Variants in VPS13B observed in about 807,000 individuals in gnomAD.
VPS13B encodes the protein vacuolar protein sorting 13 homolog B.
Under a neutral mutation model 426.4 loss-of-function variants are expected in VPS13B, and 285 were observed. That is an observed-to-expected ratio of 0.67 (90% confidence interval 0.61 to 0.74). The LOEUF (loss-of-function observed/expected upper bound fraction) is 0.74. VPS13B is among the 30% of genes least tolerant of loss of function. The probability of loss-of-function intolerance (pLI) is 0.00; values close to 1 mark genes in which losing one functional copy is unlikely to be tolerated. For synonymous variants in VPS13B, 1,676 were observed against 1,676.4 expected (o/e 1.00, Z 0.01); for missense variants, 4,537 against 4,782.6 (o/e 0.95, Z 1.51).
chr8:99,036,413 A>G (rs1456864033), intron 2 of VPS13B, among the ~76,000 whole-genome samples: 2 of 152,236 alleles, frequency 1.3e-5, no homozygotes. Flanking sequence ...AAGAAGGGAA[A>G]AGAATGAAAA....
chr8:99,550,424 G>A (rs555431419), intron 30 of VPS13B, among the ~76,000 whole-genome samples: 20 of 150,472 alleles, frequency 1.3e-4, no homozygotes, highest in Non-Finnish European at 2.7e-4. Context: ...ACAGTAAGCC[G>A]TAAAATCTTT....
At chr8:99,215,579 A>G (rs751009113) in intron 17 of VPS13B, among the ~76,000 whole-genome samples, 1 of 152,208 alleles carries the variant, frequency 6.6e-6, no homozygotes, top group Non-Finnish European at 1.5e-5. Context: ...AAACTCATGC[A>G]TGTGATTCCT....
chr8:99,537,517 ACAGTACCTTATCAGTGGAGCT>A (rs907929829), intron 30 of VPS13B, among the ~76,000 whole-genome samples: 1 of 152,226 alleles, frequency 6.6e-6, no homozygotes, highest in African/African-American at 2.4e-5. Flanking sequence ...TTATGCAGTT[ACAGTACCTTATCAGTGGAGCT>A]CGACTTCTAC....
chr8:99,116,853 T>C (rs183200719), intron 7 of VPS13B, among the ~76,000 whole-genome samples: 1 of 152,344 alleles, frequency 6.6e-6, no homozygotes, highest in Admixed American at 6.5e-5. Context: ...TTAGTGCTGT[T>C]AATTAATGAA....
intron 12 of VPS13B, among the ~76,000 whole-genome samples, chr8:99,140,721 G>A (rs1810373319): frequency 7.2e-6 from 1 of 139,422 alleles, no homozygotes. Flanking sequence ...TTCTTTGTGA[G>A]TATACTTTAG....
chr8:99,611,179 G>A (rs569510427), intron 33 of VPS13B, among the ~76,000 whole-genome samples: 15 of 152,256 alleles, frequency 9.9e-5, no homozygotes, highest in Non-Finnish European at 1.8e-4. Context: ...GCAAACATAT[G>A]TAAGAATTTT....
chr8:99,632,121 T>C (rs1187961489), intron 33 of VPS13B, among the ~76,000 whole-genome samples: 1 of 151,908 alleles, frequency 6.6e-6, no homozygotes, highest in African/African-American at 2.4e-5. Flanking sequence ...GCTAATTTGG[T>C]AATAGTGTTG....
At chr8:99,814,301 T>TA (rs1208605188) in intron 44 of VPS13B, among the ~76,000 whole-genome samples, 1 of 152,250 alleles carries the variant, frequency 6.6e-6, no homozygotes, top group African/African-American at 2.4e-5. Flanking sequence ...ATATGCTTGT[T>TA]AATCTTCATA....
chr8:99,065,137 C>T (rs139544490), intron 3 of VPS13B, among the ~76,000 whole-genome samples: 1 of 152,086 alleles, frequency 6.6e-6, no homozygotes, highest in African/African-American at 2.4e-5. Context: ...ACAACCGGTA[C>T]CAGCCACTGC....
intron 33 of VPS13B, among the ~76,000 whole-genome samples, chr8:99,612,950 T>C (rs1404838292): frequency 6.6e-6 from 1 of 152,208 alleles, no homozygotes; most frequent in Non-Finnish European, 1.5e-5. Context: ...GTGGCAGCTG[T>C]CATCTTATCT....
At chr8:99,340,075 T>C (rs952641183) in intron 19 of VPS13B, among the ~76,000 whole-genome samples, 3 of 152,284 alleles carry the variant, frequency 2.0e-5, no homozygotes, top group South Asian at 2.1e-4. Context: ...GCCTCCTTAG[T>C]AGCAAGTATC....
At chr8:99,811,341 T>C (rs1159576696) in intron 44 of VPS13B, among the ~76,000 whole-genome samples, 1 of 152,176 alleles carries the variant, frequency 6.6e-6, no homozygotes, top group Non-Finnish European at 1.5e-5. Flanking sequence ...CTCCTCTACA[T>C]TATAGCCCTT....
At chr8:99,847,868 G>A (rs1286235735) in intron 54 of VPS13B, among the ~76,000 whole-genome samples, 4 of 152,166 alleles carry the variant, frequency 2.6e-5, no homozygotes, top group Non-Finnish European at 5.9e-5. Flanking sequence ...CAAGCAAGAG[G>A]CCACCTTTGT....
chr8:99,286,829 T>G (rs1819467667), intron 19 of VPS13B, among the ~76,000 whole-genome samples: 1 of 152,116 alleles, frequency 6.6e-6, no homozygotes, highest in Non-Finnish European at 1.5e-5. Context: ...GAAGGTTTAG[T>G]GCATGGTGGG....
chr8:99,472,101 G>A (rs1819441493), intron 24 of VPS13B, among the ~76,000 whole-genome samples: 1 of 152,046 alleles, frequency 6.6e-6, no homozygotes, highest in South Asian at 2.1e-4. Context: ...AGAGTGACAT[G>A]AAACAAAAAT....
chr8:99,672,628 TTTTA>T (rs1251838847), intron 35 of VPS13B, among the ~76,000 whole-genome samples: 16 of 152,226 alleles, frequency 1.1e-4, no homozygotes, highest in South Asian at 6.2e-4. Context: ...TTTGGATTCC[TTTTA>T]TTTCTTTCTC....
At chr8:99,857,537 C>T (rs1816613935) in intron 56 of VPS13B, among the ~76,000 whole-genome samples, 2 of 152,166 alleles carry the variant, frequency 1.3e-5, no homozygotes, top group Non-Finnish European at 2.9e-5. Flanking sequence ...GCAGCCTGAG[C>T]TCACAGAAGA....
intron 3 of VPS13B, 80 bp downstream of exon 3, chr8:99,038,646 C>A (rs1842843798): frequency 2.9e-6 from 3 of 1,048,806 alleles, no homozygotes; most frequent in Non-Finnish European, 2.9e-6. Context: ...TCAAATATGC[C>A]AACTGTTACA....
intron 27 of VPS13B, among the ~76,000 whole-genome samples, chr8:99,505,783 A>G (rs917247236): frequency 6.6e-6 from 1 of 152,178 alleles, no homozygotes; most frequent in African/African-American, 2.4e-5. Context: ...CAGACCTTCA[A>G]TTTGGGTAAA....
Sources: gnomAD v4.1 joint callset for allele counts (sites outside exome capture counted in the v4.1 genomes callset) on GRCh38, gnomAD v4.1.1 for gene constraint, MANE v1.5 for transcripts, NCBI Gene and HGNC (gene_info 2026-07-23, HGNC 2026-07-21) for gene names.